Variants in TMEFF2 observed in about 807,000 individuals in gnomAD.
The protein encoded by TMEFF2 is tomoregulin-2.
A neutral mutation model predicts 53.8 loss-of-function variants in TMEFF2; 28 were observed. The ratio of observed to expected loss-of-function variants is 0.52; its 90% CI spans 0.39 to 0.71. The LOEUF is 0.71. Among genes scored for constraint, TMEFF2 ranks in the 30% least tolerant of loss-of-function variants. The probability of loss-of-function intolerance (pLI) is 0.00; values close to 1 mark genes in which losing one functional copy is unlikely to be tolerated. For missense variants in TMEFF2, 353 were observed against 455.2 expected, an observed-to-expected ratio of 0.78 and a Z score of 2.04; for synonymous variants, 162 against 166.3, an observed-to-expected ratio of 0.97 and a Z score of 0.20.
At chr2:192,045,208 C>G (rs1195217959) in intron 5 of TMEFF2, among the ~76,000 whole-genome samples, 3 of 152,208 alleles carry the variant, frequency 2.0e-5, no homozygotes, top group East Asian at 3.9e-4. Flanking sequence ...TTCTCTGAAA[C>G]ATTCCTCAAG....
At chr2:192,122,278 T>C (rs1488796510) in intron 4 of TMEFF2, among the ~76,000 whole-genome samples, 2 of 152,080 alleles carry the variant, frequency 1.3e-5, no homozygotes, top group Admixed American at 1.3e-4. Context: ...TTCTTAATGC[T>C]AAAAAAAGGT....
chr2:192,000,802 T>A (rs898826950), intron 5 of TMEFF2, among the ~76,000 whole-genome samples: 1 of 152,214 alleles, frequency 6.6e-6, no homozygotes, highest in Non-Finnish European at 1.5e-5. Context: ...GCTGTAGGAA[T>A]GCCTGGTTAT....
intron 2 of TMEFF2, 44 bp from the exon 3 acceptor site, chr2:192,184,527 T>G: frequency 6.2e-7 from 1 of 1,605,896 alleles, no homozygotes; most frequent in Non-Finnish European, 8.5e-7. Context: ...TACTGGAGAT[T>G]GTATCCCTCT....
chr2:192,138,876 G>A (rs1233441337), intron 4 of TMEFF2, among the ~76,000 whole-genome samples: 1 of 152,172 alleles, frequency 6.6e-6, no homozygotes, highest in African/African-American at 2.4e-5. Flanking sequence ...TAATTCCATT[G>A]AAAAACAATT....
At chr2:192,078,897 C>A (rs1209637861) in intron 4 of TMEFF2, among the ~76,000 whole-genome samples, 2 of 152,196 alleles carry the variant, frequency 1.3e-5, no homozygotes, top group South Asian at 2.1e-4. Flanking sequence ...ATCAATATTT[C>A]TTTGTATTCT....
chr2:192,168,259 A>C (rs1315108071), intron 4 of TMEFF2, among the ~76,000 whole-genome samples: 1 of 152,090 alleles, frequency 6.6e-6, no homozygotes, highest in Non-Finnish European at 1.5e-5. Context: ...GGTTAAAGTA[A>C]ATTTTATGAA....
chr2:192,049,231 G>T (rs1229522857), intron 5 of TMEFF2, among the ~76,000 whole-genome samples: 3 of 151,972 alleles, frequency 2.0e-5, no homozygotes, highest in Non-Finnish European at 4.4e-5. Context: ...ACCCTGAGTG[G>T]TAGTTAAGAG....
At chr2:192,101,469 A>G (rs146860431) in intron 4 of TMEFF2, among the ~76,000 whole-genome samples, 1,583 of 152,294 alleles carry the variant, frequency 0.01, 15 homozygotes, top group Non-Finnish European at 0.017. Flanking sequence ...TTTAAAATTC[A>G]TATTTTGCTA....
chr2:191,994,615 A>G (rs937024864), intron 7 of TMEFF2, among the ~76,000 whole-genome samples: 28 of 151,930 alleles, frequency 1.8e-4, no homozygotes, highest in Non-Finnish European at 1.5e-5. Context: ...AAATGTTGCA[A>G]ATTTCAAGAG....
chr2:192,127,266 T>G (rs570941843), intron 4 of TMEFF2, among the ~76,000 whole-genome samples: 1 of 152,296 alleles, frequency 6.6e-6, no homozygotes, highest in South Asian at 2.1e-4. Context: ...AGGTATAATT[T>G]TGTAAATGCT....
chr2:191,994,566 GAC>G (rs72485334), intron 7 of TMEFF2, among the ~76,000 whole-genome samples: 29 of 149,022 alleles, frequency 1.9e-4, no homozygotes, highest in African/African-American at 5.6e-4. Flanking sequence ...AGACATGAGG[GAC>G]ACACACACAC....
intron 5 of TMEFF2, among the ~76,000 whole-genome samples, chr2:192,018,052 T>C (rs1198863672): frequency 6.6e-6 from 1 of 152,158 alleles, no homozygotes; most frequent in Non-Finnish European, 1.5e-5. Flanking sequence ...ATAACAAGCC[T>C]TTGGCTTGTT....
At chr2:192,093,429 T>A (rs1321966953) in intron 4 of TMEFF2, among the ~76,000 whole-genome samples, 1 of 131,078 alleles carries the variant, frequency 7.6e-6, no homozygotes, top group African/African-American at 2.8e-5. Flanking sequence ...ACTCCCAGAC[T>A]CTTTCTTGTT....
intron 4 of TMEFF2, chr2:192,177,881 T>G (rs918035972): frequency 6.6e-6 from 1 of 151,026 alleles, no homozygotes; most frequent in Non-Finnish European, 1.5e-5. Flanking sequence ...TTGACTTCAT[T>G]TCCATTTGCA....
At chr2:191,979,249 C>T (rs1301132385) in intron 7 of TMEFF2, among the ~76,000 whole-genome samples, 1 of 152,142 alleles carries the variant, frequency 6.6e-6, no homozygotes, top group Non-Finnish European at 1.5e-5. Flanking sequence ...TGTAGGAGAC[C>T]TCACGAAGCC....
intron 4 of TMEFF2, among the ~76,000 whole-genome samples, chr2:192,172,563 A>G (rs1217953976): frequency 5.3e-5 from 8 of 151,982 alleles, no homozygotes; most frequent in African/African-American, 1.9e-4. Flanking sequence ...AATGATTTAA[A>G]GTATCTCAAA....
rs1559057050 is a variant in TMEFF2, at chr2:191,951,897, T to TTGGAAA, written c.1029-1491_1029-1490insTTTCCA. 7.9e-5 allele frequency among the ~76,000 whole-genome samples: 12 copies of TTGGAAA among 152,280 alleles called. No homozygotes were observed. The East Asian group carries it at 1.7e-3, about 22-fold the overall frequency. ...ATTTTATTATAACATGGAAAATGAG[T>TTGGAAA]AAGTCTATGTGCCTTGGAAAAATAG... is the stretch of plus-strand genomic sequence containing the variant. On this transcript the variant is annotated intron_variant, in intron 9 of 9. Coordinates refer to ENST00000272771, the MANE Select transcript of TMEFF2 (RefSeq NM_016192.4).
In TMEFF2 at chr2:192,171,177, A is replaced by G. The variant is rs73984906; in HGVS notation, c.439+8491T>C. The stretch of plus-strand genomic sequence containing the variant: ...AACCCCAATATAAAAATACCTTATG[A>G]GGATTAAAAATAGATTTGACTACAG... On this transcript the variant is annotated intron_variant, in intron 4 of 9. Coordinates refer to ENST00000272771, the MANE Select transcript of TMEFF2 (RefSeq NM_016192.4). Among the ~76,000 whole-genome samples, 490 of 152,166 alleles carry G rather than the reference A, an allele frequency of 3.2e-3. 5 individuals carry two copies. Among genetic ancestry groups the G allele is most frequent in the African/African-American group, 0.011 (445 of 41,556 alleles).
intron 9 of TMEFF2, among the ~76,000 whole-genome samples, chr2:191,952,476 C>G (rs1691915645): frequency 6.6e-6 from 1 of 151,976 alleles, no homozygotes; most frequent in African/African-American, 2.4e-5. Context: ...AGATTCTTTT[C>G]TTTTTCTTTT....
Sources: gnomAD v4.1 joint callset for allele counts (sites outside exome capture counted in the v4.1 genomes callset) on GRCh38, gnomAD v4.1.1 for gene constraint, MANE v1.5 for transcripts, NCBI Gene and HGNC (gene_info 2026-07-23, HGNC 2026-07-21) for gene names.